Variants in DPH6 observed in about 807,000 individuals in gnomAD.
The protein encoded by DPH6 is diphthamine biosynthesis 6.
DPH6 carries 33 observed loss-of-function variants against 38.2 expected under a neutral mutation model. The observed-to-expected ratio is 0.86, with a 90% CI of 0.65 to 1.15. The LOEUF is 1.15. Among genes scored for constraint, DPH6 ranks in the 50% most tolerant of loss-of-function variants. The pLI, the probability that DPH6 is intolerant of heterozygous loss-of-function variation, is 0.00. For synonymous variants in DPH6, 108 were observed against 103.0 expected (o/e 1.05, Z -0.30); for missense variants, 325 against 320.0 (o/e 1.02, Z -0.12).
chr15:35,353,471 G>A (rs978186086), intron 3 of DPH6, among the ~76,000 whole-genome samples: 2 of 152,116 alleles, frequency 1.3e-5, no homozygotes, highest in African/African-American at 2.4e-5. Flanking sequence ...GTGTAAGGAA[G>A]GGATCCAGTT....
At chr15:35,436,494 C>CAAACAAAAA (rs1566909220) in intron 5 of DPH6, among the ~76,000 whole-genome samples, 3 of 9,136 alleles carry the variant, frequency 3.3e-4, no homozygotes, top group African/African-American at 4.8e-4. Flanking sequence ...CAAAACAAAA[C>CAAACAAAAA]AAAACAAAAC....
chr15:35,437,315 C>T (rs1245859479), intron 5 of DPH6, among the ~76,000 whole-genome samples: 1 of 151,964 alleles, frequency 6.6e-6, no homozygotes, highest in Non-Finnish European at 1.5e-5. Flanking sequence ...TCTTCTTTTT[C>T]CTTTTTCCTC....
At chr15:35,207,468 G>A in the DPH6 span, among the ~76,000 whole-genome samples, 1 of 152,070 alleles carries the variant, frequency 6.6e-6, no homozygotes, top group African/African-American at 2.4e-5. Context: ...AAGATTCCTG[G>A]AAAGAGTATA....
intron 3 of DPH6, among the ~76,000 whole-genome samples, chr15:35,297,905 G>A (rs2052025821): frequency 6.6e-6 from 1 of 151,994 alleles, no homozygotes; most frequent in African/African-American, 2.4e-5. Context: ...AAAAACCTAG[G>A]TTTCATCCTT....
downstream of DPH6, among the ~76,000 whole-genome samples, chr15:35,213,912 A>C (rs1372172595): frequency 1.3e-5 from 2 of 152,320 alleles, no homozygotes; most frequent in South Asian, 4.1e-4. Flanking sequence ...GGAGATCGAG[A>C]CCATCCTGGC....
chr15:35,406,481 A>T (rs1001368770), intron 6 of DPH6, among the ~76,000 whole-genome samples: 9 of 152,004 alleles, frequency 5.9e-5, no homozygotes, highest in Non-Finnish European at 1.2e-4. Context: ...TGGACAATTG[A>T]CTGACAAGGG....
Position 35,511,797 on chromosome 15 carries a change from A to G in DPH6, c.312+26477T>C, listed in dbSNP as rs1463167504. Among the ~76,000 whole-genome samples the G allele has an allele frequency of 2.0e-5, 3 of 152,180 alleles. No individual in the cohort carries two copies. In the East Asian group the frequency reaches 5.8e-4, roughly 29 times the overall value. On this transcript the variant is annotated intron_variant, in intron 3 of 8. Coordinates refer to ENST00000256538, the MANE Select transcript of DPH6 (RefSeq NM_080650.4). ...GAATTAGGTCTAAGAAACTAAAATGACCAAAAGAGAAAGGTATCATAATTC... is the reference window on the plus strand; with the variant it reads ...GAATTAGGTCTAAGAAACTAAAATGGCCAAAAGAGAAAGGTATCATAATTC...
chr15:35,329,478 T>C (rs1377858082), downstream of DPH6, among the ~76,000 whole-genome samples: 1 of 152,224 alleles, frequency 6.6e-6, no homozygotes, highest in Non-Finnish European at 1.5e-5. Context: ...AATTTAGATT[T>C]CTAAATTCCT....
chr15:35,176,055 T>C, the DPH6 span, among the ~76,000 whole-genome samples: 6 of 152,224 alleles, frequency 3.9e-5, no homozygotes, highest in Admixed American at 3.9e-4. Flanking sequence ...TGTGAAGAGA[T>C]AATAACAATT....
intron 3 of DPH6, among the ~76,000 whole-genome samples, chr15:35,497,620 G>A (rs946422164): frequency 6.6e-6 from 1 of 152,058 alleles, no homozygotes; most frequent in Non-Finnish European, 1.5e-5. Flanking sequence ...CTGTATTATT[G>A]GGGAAGAAAA....
chr15:35,372,282 G>A, intron 8 of DPH6, 79 bp from the exon 9 acceptor site: 1 of 1,147,546 alleles, frequency 8.7e-7, no homozygotes, highest in Non-Finnish European at 1.2e-6. Flanking sequence ...CTTCAAAGAT[G>A]TAATACTGTT....
chr15:35,320,606 C>T (rs318359), intron 3 of DPH6, among the ~76,000 whole-genome samples: 71,037 of 152,112 alleles, frequency 0.47, 20,461 homozygotes, highest in Non-Finnish European at 0.63. Flanking sequence ...CCTATTCCTT[C>T]TAGTTCCCTG....
intron 5 of DPH6, among the ~76,000 whole-genome samples, chr15:35,416,680 A>G (rs912307860): frequency 1.3e-5 from 2 of 152,026 alleles, no homozygotes; most frequent in African/African-American, 4.8e-5. Flanking sequence ...CTTTATCTGA[A>G]TATCTGAATA....
the DPH6 span, among the ~76,000 whole-genome samples, chr15:35,158,265 A>C: frequency 6.6e-6 from 1 of 152,086 alleles, no homozygotes; most frequent in Non-Finnish European, 1.5e-5. Context: ...GAATGAACTA[A>C]GATTTTTGTT....
chr15:35,356,144 A>C (rs1368439328), intron 3 of DPH6, among the ~76,000 whole-genome samples: 1 of 152,174 alleles, frequency 6.6e-6, no homozygotes, highest in Non-Finnish European at 1.5e-5. Flanking sequence ...CAGGTCATTT[A>C]AGGATGTCTC....
At chr15:35,181,200 T>A in the DPH6 span, among the ~76,000 whole-genome samples, 1 of 152,110 alleles carries the variant, frequency 6.6e-6, no homozygotes, top group Non-Finnish European at 1.5e-5. Context: ...TTTGTAGTAT[T>A]TACAGATGTG....
chr15:35,243,076 A>C (rs949686648), intron 3 of DPH6, among the ~76,000 whole-genome samples: 3 of 142,108 alleles, frequency 2.1e-5, no homozygotes, highest in African/African-American at 7.7e-5. Flanking sequence ...AGGTCCTCCC[A>C]ATTCTTAGTC....
intron 5 of DPH6, among the ~76,000 whole-genome samples, chr15:35,433,013 C>G: frequency 6.6e-6 from 1 of 151,886 alleles, no homozygotes; most frequent in Middle Eastern, 3.4e-3. Flanking sequence ...ACCCACTAAA[C>G]CTAAAATAAA....
chr15:35,226,968 C>T (rs902786912), intron 3 of DPH6, among the ~76,000 whole-genome samples: 4 of 151,998 alleles, frequency 2.6e-5, no homozygotes. Context: ...CTTTTCTTTA[C>T]TGGGAGACTT....
Sources: gnomAD v4.1 joint callset for allele counts (sites outside exome capture counted in the v4.1 genomes callset) on GRCh38, gnomAD v4.1.1 for gene constraint, MANE v1.5 for transcripts, NCBI Gene and HGNC (gene_info 2026-07-23, HGNC 2026-07-21) for gene names.